Variants in ATXN7L1 observed in about 807,000 individuals in gnomAD.
ATXN7L1 encodes ataxin-7-like protein 1.
A neutral mutation model predicts 70.8 loss-of-function variants in ATXN7L1; 15 were observed. The observed-to-expected ratio is 0.21, with a 90% CI of 0.14 to 0.33. ATXN7L1 has a LOEUF of 0.33. Among genes scored for constraint, ATXN7L1 ranks in the 10% least tolerant of loss-of-function variants. The pLI is 1.00. For synonymous variants in ATXN7L1, 440 were observed against 445.1 expected (o/e 0.99, Z 0.14); for missense variants, 975 against 1,097.1 (o/e 0.89, Z 1.57).
chr7:105,862,421 C>T (rs1017785932), intron 2 of ATXN7L1, among the ~76,000 whole-genome samples: 8 of 152,108 alleles, frequency 5.3e-5, no homozygotes, highest in Admixed American at 2.0e-4. Flanking sequence ...CCTGGGCGAC[C>T]GAGCTACTGC....
intron 2 of ATXN7L1, among the ~76,000 whole-genome samples, chr7:105,848,208 A>G (rs936613940): frequency 1.3e-5 from 2 of 152,352 alleles, no homozygotes; most frequent in Admixed American, 6.5e-5. Flanking sequence ...AACTTATTAA[A>G]TCATCAAATA....
At chr7:105,855,908 A>G (rs1364389170) in intron 2 of ATXN7L1, among the ~76,000 whole-genome samples, 2 of 152,250 alleles carry the variant, frequency 1.3e-5, no homozygotes, top group Admixed American at 6.5e-5. Context: ...TGTAAATACT[A>G]CACCATTTCA....
At chr7:105,681,537 G>C (rs951935635) in intron 3 of ATXN7L1, among the ~76,000 whole-genome samples, 1 of 152,110 alleles carries the variant, frequency 6.6e-6, no homozygotes, top group Admixed American at 6.5e-5. Flanking sequence ...ATGATCACAC[G>C]ATCTAGCAAT....
intron 2 of ATXN7L1, among the ~76,000 whole-genome samples, chr7:105,798,227 C>A (rs779657893): frequency 5.9e-5 from 9 of 152,156 alleles, no homozygotes; most frequent in Admixed American, 1.3e-4. Context: ...GCTGTTCCTT[C>A]CCCCCACCCC....
intron 3 of ATXN7L1, among the ~76,000 whole-genome samples, chr7:105,744,770 C>T (rs1480541568): frequency 6.7e-6 from 1 of 148,362 alleles, no homozygotes; most frequent in East Asian, 1.9e-4. Flanking sequence ...TGGAGTCTCC[C>T]TCTGTCACCC....
intron 2 of ATXN7L1, among the ~76,000 whole-genome samples, chr7:105,855,987 T>C (rs2116643514): frequency 6.6e-6 from 1 of 152,352 alleles, no homozygotes; most frequent in South Asian, 2.1e-4. Context: ...GACAGCTGTA[T>C]ATCATGTCTC....
chr7:105,773,762 A>C (rs1209546073), intron 3 of ATXN7L1, among the ~76,000 whole-genome samples: 1 of 152,248 alleles, frequency 6.6e-6, no homozygotes, highest in African/African-American at 2.4e-5. Flanking sequence ...AATACAAAAA[A>C]GAAACCCCCT....
intron 3 of ATXN7L1, among the ~76,000 whole-genome samples, chr7:105,725,615 CTG>C (rs1795714379): frequency 2.7e-5 from 4 of 146,958 alleles, no homozygotes; most frequent in African/African-American, 1.0e-4. Flanking sequence ...GAGTCTCACT[CTG>C]TCATCCAGGC....
chr7:105,715,183 A>G (rs540946959), intron 3 of ATXN7L1, among the ~76,000 whole-genome samples: 7 of 152,232 alleles, frequency 4.6e-5, no homozygotes, highest in African/African-American at 1.7e-4. Context: ...GGTATATCAG[A>G]AAGAGATCAC....
intron 3 of ATXN7L1, among the ~76,000 whole-genome samples, chr7:105,771,199 C>CTGA (rs1186343066): frequency 1.5e-4 from 9 of 59,146 alleles, no homozygotes; most frequent in East Asian, 7.5e-4. Flanking sequence ...GACTCCGTCT[C>CTGA]TGATAATAAT....
At chr7:105,727,669 C>T in intron 3 of ATXN7L1, among the ~76,000 whole-genome samples, 1 of 75,928 alleles carries the variant, frequency 1.3e-5, no homozygotes, top group African/African-American at 5.2e-5. Flanking sequence ...AACTTCATCT[C>T]AAAAAAAAAA....
At chr7:105,788,826 A>G (rs563116663) in intron 2 of ATXN7L1, 118 bp from the exon 3 acceptor site, 1 of 797,556 alleles carries the variant, frequency 1.3e-6, no homozygotes, top group Non-Finnish European at 2.1e-6. Flanking sequence ...GCAGAAAGGC[A>G]ATAATCTTTA....
At chr7:105,765,955 T>C in intron 3 of ATXN7L1, among the ~76,000 whole-genome samples, 1 of 152,004 alleles carries the variant, frequency 6.6e-6, no homozygotes, top group Non-Finnish European at 1.5e-5. Context: ...CCTGGGCCCT[T>C]GTGACCAAGG....
intron 11 of ATXN7L1, among the ~76,000 whole-genome samples, chr7:105,609,359 G>A (rs1430307329): frequency 6.6e-6 from 1 of 152,088 alleles, no homozygotes; most frequent in East Asian, 1.9e-4. Context: ...AGTAGAGACG[G>A]GGTTTCACCA....
chr7:105,664,395 C>T (rs1802192678), intron 4 of ATXN7L1, among the ~76,000 whole-genome samples: 1 of 150,626 alleles, frequency 6.6e-6, no homozygotes, highest in Non-Finnish European at 1.5e-5. Context: ...TAAAAAAATC[C>T]CCCGTCAGGC....
intron 2 of ATXN7L1, among the ~76,000 whole-genome samples, chr7:105,869,786 G>C (rs577241273): frequency 6.6e-6 from 1 of 151,832 alleles, no homozygotes; most frequent in Non-Finnish European, 1.5e-5. Context: ...GACCCAAACA[G>C]GAATCTATTC....
At chr7:105,724,590 AAAAAAAAAAAAAAGG>A (rs1795584953) in intron 3 of ATXN7L1, among the ~76,000 whole-genome samples, 1 of 145,936 alleles carries the variant, frequency 6.9e-6, no homozygotes, top group Non-Finnish European at 1.5e-5. Flanking sequence ...AAAAAAAAAA[AAAAAAAAAAAAAAGG>A]AGGCCGGGCG....
chr7:105,754,821 C>A (rs964481399), intron 3 of ATXN7L1, among the ~76,000 whole-genome samples: 3 of 152,152 alleles, frequency 2.0e-5, no homozygotes, highest in African/African-American at 7.2e-5. Flanking sequence ...AGCACTGTGC[C>A]AAGAATTGAG....
At position 105,605,835 on chromosome 7, in the gene ATXN7L1, T is replaced by G. The variant is rs1377709350; in HGVS notation, c.*2017A>C. The stretch of plus-strand genomic sequence containing the variant: ...CAATAAAAACATAATTCAAAGAACA[T>G]TTTAAAAATATAAACATTGCTTAAA... On this transcript the variant is annotated 3_prime_UTR_variant, in exon 12 of 12. Coordinates refer to ENST00000419735, the MANE Select transcript of ATXN7L1 (RefSeq NM_020725.2). The G allele has an allele frequency of 6.6e-6, 1 of 152,196 alleles. No individual in the cohort carries two copies. Among genetic ancestry groups the G allele is most frequent in the Non-Finnish European group, 1.5e-5 (1 of 68,028 alleles). 9.4% of individuals were successfully genotyped at this position (152,196 alleles called of 1,614,324 possible). A position where few individuals can be genotyped will look rare whatever the true frequency, so the allele number is the denominator to read the frequency against.
Sources: allele counts gnomAD v4.1 joint callset (sites outside exome capture counted in the v4.1 genomes callset), GRCh38; gene constraint gnomAD v4.1.1; transcripts MANE v1.5; gene names NCBI Gene and HGNC (gene_info 2026-07-23, HGNC 2026-07-21).